Variants in ZNF429 observed in about 807,000 individuals in gnomAD.
ZNF429 encodes the protein zinc finger protein 429.
Under a neutral mutation model 56.8 loss-of-function variants are expected in ZNF429, and 53 were observed. The observed-to-expected ratio is 0.93, with a 90% confidence interval of 0.75 to 1.17. The LOEUF (loss-of-function observed/expected upper bound fraction) is 1.17, where lower values mean the gene tolerates loss of function less well. ZNF429 is among the 50% of genes most tolerant of loss of function. The pLI is 0.00. For missense variants in ZNF429, 849 were observed against 788.4 expected (o/e 1.08, Z -0.92); for synonymous variants, 278 against 264.7 (o/e 1.05, Z -0.49).
At chr19:21,514,224 T>G (rs1280456557) in intron 1 of ZNF429, among the ~76,000 whole-genome samples, 2 of 152,204 alleles carry the variant, frequency 1.3e-5, no homozygotes, top group Non-Finnish European at 2.9e-5. Context: ...GGGGTACACA[T>G]GCAGGTTTAT....
chr19:21,523,695 G>T (rs572269476), intron 1 of ZNF429, among the ~76,000 whole-genome samples: 9 of 152,210 alleles, frequency 5.9e-5, no homozygotes, highest in Admixed American at 1.3e-4. Flanking sequence ...GCTGCTAATT[G>T]AAGTGTAGAT....
At chr19:21,518,290 T>G (rs939212865) in intron 1 of ZNF429, among the ~76,000 whole-genome samples, 2 of 152,230 alleles carry the variant, frequency 1.3e-5, no homozygotes, top group Non-Finnish European at 2.9e-5. Context: ...CTTATACTTT[T>G]ATTTATGATG....
At chr19:21,513,943 G>A (rs1445689582) in intron 1 of ZNF429, among the ~76,000 whole-genome samples, 4 of 152,140 alleles carry the variant, frequency 2.6e-5, no homozygotes, top group African/African-American at 9.7e-5. Context: ...TTTGATCCCA[G>A]TGTTCCTTCC....
rs896926490 is a variant in ZNF429, at chr19:21,540,175, G to A, written c.*2097G>A. ...TAAATTTGATTTTATTTGTTACCAT[G>A]TTAAGACTATTGTGCATTTAATGAA... On this transcript the variant is annotated 3_prime_UTR_variant, in exon 4 of 4. Transcript: ENST00000358491. Among the ~76,000 whole-genome samples, 1 of 152,042 alleles carries A rather than the reference G, an allele frequency of 6.6e-6. No homozygotes were observed. The highest frequency in any genetic ancestry group is 1.5e-5 in the Non-Finnish European group (1 of 67,996).
chr19:21,508,814 A>AT (rs1355911504), intron 1 of ZNF429, among the ~76,000 whole-genome samples: 1 of 152,136 alleles, frequency 6.6e-6, no homozygotes, highest in African/African-American at 2.4e-5. Flanking sequence ...TAGAAAATGA[A>AT]TGCATTTCCA....
chr19:21,514,116 C>G (rs1445834103), intron 1 of ZNF429, among the ~76,000 whole-genome samples: 1 of 152,190 alleles, frequency 6.6e-6, no homozygotes, highest in Non-Finnish European at 1.5e-5. Flanking sequence ...ACAGCCCCAC[C>G]TGGACCATTA....
At chr19:21,535,439 T>C in intron 3 of ZNF429, among the ~76,000 whole-genome samples, 2 of 71,116 alleles carry the variant, frequency 2.8e-5, no homozygotes, top group African/African-American at 1.4e-4. Context: ...TTTCTTTCTT[T>C]CTTTCTTTCT....
chr19:21,523,434 A>C (rs569802710), intron 1 of ZNF429, among the ~76,000 whole-genome samples: 34 of 152,306 alleles, frequency 2.2e-4, no homozygotes, highest in Admixed American at 3.9e-4. Context: ...ATGAGAACAC[A>C]ATTATGTCTT....
intron 1 of ZNF429, among the ~76,000 whole-genome samples, chr19:21,513,481 T>C (rs1015492678): frequency 1.3e-5 from 2 of 152,132 alleles, no homozygotes; most frequent in African/African-American, 4.8e-5. Flanking sequence ...CCCATGGGGT[T>C]TGTGACTGGC....
intron 1 of ZNF429, among the ~76,000 whole-genome samples, chr19:21,523,465 T>C (rs558290021): frequency 6.6e-6 from 1 of 152,212 alleles, no homozygotes; most frequent in Non-Finnish European, 1.5e-5. Flanking sequence ...TTGAACCATA[T>C]AGTTATCTCT....
intron 1 of ZNF429, among the ~76,000 whole-genome samples, chr19:21,524,163 A>G (rs1273026668): frequency 6.6e-6 from 1 of 152,198 alleles, no homozygotes; most frequent in Non-Finnish European, 1.5e-5. Context: ...CAGTAAGTGT[A>G]AACAAGCATC....
chr19:21,511,605 G>A (rs1045437116), intron 1 of ZNF429, among the ~76,000 whole-genome samples: 30 of 150,952 alleles, frequency 2.0e-4, no homozygotes, highest in Non-Finnish European at 3.7e-4. Flanking sequence ...GGGCAGCCAG[G>A]CAGAGGGGCT....
Position 21,505,712 on chromosome 19 carries a change from T to C in ZNF429, c.-60T>C. 1.3e-6 allele frequency: 2 copies of C among 1,591,938 alleles called. No homozygotes were observed. The highest frequency in any genetic ancestry group is 1.7e-6 in the Non-Finnish European group (2 of 1,164,392). On this transcript the variant is annotated 5_prime_UTR_variant, in exon 1 of 4. The change abolishes the stop of an existing upstream ORF in the 5' untranslated region. Coordinates refer to ENST00000358491, the MANE Select transcript of ZNF429 (RefSeq NM_001001415.4). Reference sequence around the variant, plus strand: ...TAGAGGCCCAGCCTGTGTGGCCCTGTGACCCGCAGATATTGGGAGATACAC... The same window carrying C: ...TAGAGGCCCAGCCTGTGTGGCCCTGCGACCCGCAGATATTGGGAGATACAC...
At chr19:21,524,694 A>G (rs1291432906) in intron 1 of ZNF429, among the ~76,000 whole-genome samples, 1 of 152,156 alleles carries the variant, frequency 6.6e-6, no homozygotes, top group Non-Finnish European at 1.5e-5. Context: ...TTATTGGGCC[A>G]TCAGCACAGG....
Position 21,536,468 on chromosome 19 carries a change from C to G in ZNF429, c.415C>G (p.Leu139Val). 6.2e-7 allele frequency: 1 copy of G among 1,613,210 alleles called. No homozygotes were observed. The highest frequency in any genetic ancestry group is 8.5e-7 in the Non-Finnish European group (1 of 1,179,668). ...GYNGLNQCLTLTQSKMYHCDI... is the reference protein window; with the variant it reads ...GYNGLNQCLTVTQSKMYHCDI... ...TAATGGACTTAACCAATGTTTGACACTTACCCAGAGCAAAATGTATCACTG... is the reference window on the plus strand; with the variant it reads ...TAATGGACTTAACCAATGTTTGACAGTTACCCAGAGCAAAATGTATCACTG... Residue 139 changes from leucine (L) to valine (V), a missense_variant, in exon 4 of 4, where the codon CTT (leucine) becomes GTT (valine). Coordinates refer to ENST00000358491, the MANE Select transcript of ZNF429 (RefSeq NM_001001415.4).
chr19:21,507,592 G>A, intron 1 of ZNF429: 1 of 152,224 alleles, frequency 6.6e-6, no homozygotes, highest in African/African-American at 2.4e-5. Context: ...TGTGTCCTCA[G>A]CCACCCTTTA....
Position 21,537,326 on chromosome 19 carries a change from T to A in ZNF429, c.1273T>A (p.Tyr425Asn). Residue 425 changes from tyrosine to asparagine, a missense_variant, in exon 4 of 4, where the codon TAC (tyrosine) becomes AAC (asparagine). Physicochemically the swap from Tyr to Asn is moderately radical, Grantham distance 143. Transcript: ENST00000358491. ...GAAAATTCATACTGGAGAGAAACCC[T>A]ACAATTGTGAAGAATGTGGCAAAGT... is the stretch of plus-strand genomic sequence containing the variant. ...DKKIHTGEKP[Y>N]NCEECGKVFT... is the part of the protein sequence containing the mutation. The A allele has an allele frequency of 6.2e-7, 1 of 1,614,036 alleles. No individual in the cohort carries two copies. The highest frequency in any genetic ancestry group is 8.5e-7 in the Non-Finnish European group (1 of 1,179,974).
intron 3 of ZNF429, among the ~76,000 whole-genome samples, chr19:21,534,299 C>T: frequency 9.8e-6 from 1 of 101,816 alleles, no homozygotes; most frequent in Admixed American, 9.6e-5. Flanking sequence ...TTGGATTTTC[C>T]AGTTTTACTT....
At position 21,539,002 on chromosome 19, in the gene ZNF429, A is replaced by G. The variant is rs144439425; in HGVS notation, c.*924A>G. Among the ~76,000 whole-genome samples the G allele has an allele frequency of 1.5e-4, 23 of 152,328 alleles. No homozygotes were observed. Among genetic ancestry groups the G allele is most frequent in the Admixed American group, 1.4e-3 (21 of 15,302 alleles). ...TGAAGCAGTTGCACCAACTTTGTTC[A>G]ACATCAGAAATTTATATTGGAGAAA... On this transcript the variant is annotated 3_prime_UTR_variant, in exon 4 of 4. Coordinates refer to ENST00000358491, the MANE Select transcript of ZNF429 (RefSeq NM_001001415.4).
Sources: gnomAD v4.1 joint callset for allele counts (sites outside exome capture counted in the v4.1 genomes callset) on GRCh38, gnomAD v4.1.1 for gene constraint, MANE v1.5 for transcripts, NCBI Gene and HGNC (gene_info 2026-07-23, HGNC 2026-07-21) for gene names.